DNAI3: variants seen among roughly 807,000 people sequenced by gnomAD.
DNAI3 encodes WD repeat domain 63.
Under a neutral mutation model 115.5 loss-of-function variants are expected in DNAI3, and 83 were observed. That is an observed-to-expected ratio of 0.72 (90% confidence interval 0.60 to 0.86). DNAI3 has a LOEUF of 0.86. Ranked by LOEUF, DNAI3 falls within the 40% of genes least tolerant of loss-of-function variation. The pLI is 0.00. For synonymous variants in DNAI3, 320 were observed against 347.0 expected (o/e 0.92, Z 0.86); for missense variants, 1,004 against 1,075.8 (o/e 0.93, Z 0.93).
intron 8 of DNAI3, 32 bp from the exon 9 acceptor site, chr1:85,093,426 T>C (rs777487861): frequency 3.5e-5 from 54 of 1,561,152 alleles, no homozygotes; most frequent in Non-Finnish European, 4.6e-5. Context: ...AAAACCAATA[T>C]CTTAATTGCT....
intron 16 of DNAI3, among the ~76,000 whole-genome samples, chr1:85,113,574 T>C (rs185359329): frequency 7.5e-4 from 114 of 152,314 alleles, no homozygotes; most frequent in African/African-American, 2.6e-3. Context: ...TTTAGAGCAA[T>C]ACGACACTGT....
intron 8 of DNAI3, among the ~76,000 whole-genome samples, chr1:85,090,768 C>A (rs1654948676): frequency 6.6e-6 from 1 of 152,072 alleles, no homozygotes; most frequent in South Asian, 2.1e-4. Flanking sequence ...GTTAGTAGGA[C>A]CCTGGGTAGA....
chr1:85,092,002 A>AT (rs1446245536), intron 8 of DNAI3, among the ~76,000 whole-genome samples: 3 of 152,218 alleles, frequency 2.0e-5, no homozygotes, highest in Non-Finnish European at 4.4e-5. Flanking sequence ...ATGATTTGGA[A>AT]AATGCTTACT....
At chr1:85,095,536 C>G (rs569941929) in intron 10 of DNAI3, among the ~76,000 whole-genome samples, 7 of 152,060 alleles carry the variant, frequency 4.6e-5, no homozygotes, top group African/African-American at 1.7e-4. Context: ...GAGTGCCTGG[C>G]TCAGTATTCA....
intron 19 of DNAI3, 91 bp from the exon 20 acceptor site, chr1:85,126,420 G>T: frequency 7.4e-7 from 1 of 1,352,166 alleles, no homozygotes. Flanking sequence ...ATCATAGCTA[G>T]CTTGAGTTGT....
chr1:85,093,774 G>T, intron 9 of DNAI3, 126 bp downstream of exon 9: 1 of 1,117,670 alleles, frequency 8.9e-7, no homozygotes, highest in Non-Finnish European at 1.3e-6. Flanking sequence ...TACTCACTAG[G>T]TACCTGCCAT....
Position 85,067,850 on chromosome 1 carries a change from G to C in DNAI3, c.-14-4078G>C, listed in dbSNP as rs559042647. On this transcript the variant is annotated intron_variant, in intron 1 of 22. Coordinates refer to ENST00000294664, the MANE Select transcript of DNAI3 (RefSeq NM_145172.5). Reference sequence around the variant, plus strand: ...AGGCAAGAAAGCAGATTCTCTCTTAGAGGCTCTGGAAAGAAAGGAATGCAG... The same window carrying C: ...AGGCAAGAAAGCAGATTCTCTCTTACAGGCTCTGGAAAGAAAGGAATGCAG... 2.0e-5 allele frequency among the ~76,000 whole-genome samples: 3 copies of C among 152,330 alleles called. No homozygotes were observed. In the South Asian group the frequency reaches 6.2e-4, roughly 32 times the overall value.
rs1325409935 is a variant in DNAI3 at position 85,093,575 on chromosome 1, C to G, written c.975C>G (p.Tyr325Ter). ...GDKTDTHLKE[Y>*]QSFTDLHSPT... ...AGACCGATACCCACCTGAAAGAGTA[C>G]CAGTCCTTTACCGACCTTCATAGCC... Residue 325 changes from tyrosine to a stop codon, truncating the protein, a stop_gained, in exon 9 of 23, where the codon TAC (tyrosine) becomes TAG (stop). Coordinates refer to ENST00000294664, the MANE Select transcript of DNAI3 (RefSeq NM_145172.5). LOFTEE classifies it high-confidence loss of function. The G allele has an allele frequency of 5.6e-6, 9 of 1,614,024 alleles. No individual in the cohort carries two copies. The highest frequency in any genetic ancestry group is 1.3e-5 in the African/African-American group (1 of 74,910).
At chr1:85,104,482 T>C (rs766254699) in intron 13 of DNAI3, 42 bp from the exon 14 acceptor site, 85 of 1,510,926 alleles carry the variant, frequency 5.6e-5, no homozygotes, top group Non-Finnish European at 7.2e-5. Flanking sequence ...TAAATAGCTA[T>C]GAGAAAAACA....
intron 1 of DNAI3, among the ~76,000 whole-genome samples, chr1:85,065,970 C>A (rs947727702): frequency 6.6e-6 from 1 of 152,136 alleles, no homozygotes; most frequent in Non-Finnish European, 1.5e-5. Context: ...AAGTGGTGCA[C>A]CATCACAGGT....
chr1:85,093,773 G>T (rs968256959), intron 9 of DNAI3, 125 bp downstream of exon 9: 2 of 1,117,374 alleles, frequency 1.8e-6, no homozygotes, highest in Non-Finnish European at 2.7e-6. Flanking sequence ...GTACTCACTA[G>T]GTACCTGCCA....
In DNAI3 at chr1:85,084,695, G is replaced by C; in HGVS notation, c.540G>C (p.Gln180His). 2.0e-6 allele frequency: 3 copies of C among 1,500,608 alleles called. No homozygotes were observed. Among genetic ancestry groups the C allele is most frequent in the Non-Finnish European group, 2.7e-6 (3 of 1,123,952 alleles). 93.0% of individuals were successfully genotyped at this position (1,500,608 alleles called of 1,614,324 possible). The change falls in exon 6 of 23, where the codon CAG becomes CAC. Residue 180 changes from glutamine (Q) to histidine (H), a missense_variant and splice_region_variant. By Grantham distance (24) the Gln-to-His change is conservative. Coordinates refer to ENST00000294664, the MANE Select transcript of DNAI3 (RefSeq NM_145172.5). ...EEESVTESTK[Q>H]ITYMISRKRS... is the part of the protein sequence containing the mutation. ...AATCAGTTACGGAATCTACAAAGCAGGTTAGAGGGTTATATATGATCTGTA... is the reference window on the plus strand; with the variant it reads ...AATCAGTTACGGAATCTACAAAGCACGTTAGAGGGTTATATATGATCTGTA...
chr1:85,103,083 A>T (rs561279550), intron 13 of DNAI3, among the ~76,000 whole-genome samples: 46 of 152,288 alleles, frequency 3.0e-4, no homozygotes, highest in Admixed American at 1.4e-3. Context: ...GCCTGCAGAC[A>T]TGACCCAGGT....
intron 14 of DNAI3, 85 bp downstream of exon 14, chr1:85,104,682 C>T (rs1655433003): frequency 1.9e-6 from 2 of 1,046,020 alleles, no homozygotes; most frequent in Non-Finnish European, 2.9e-6. Flanking sequence ...GTCTTCTTCT[C>T]CTTAATATTT....
intron 10 of DNAI3, among the ~76,000 whole-genome samples, chr1:85,094,978 A>G (rs1248697445): frequency 1.3e-5 from 2 of 152,168 alleles, no homozygotes; most frequent in African/African-American, 2.4e-5. Flanking sequence ...TGCATTATCC[A>G]TCTCTAGGCT....
intron 14 of DNAI3, among the ~76,000 whole-genome samples, chr1:85,106,597 G>A (rs909160314): frequency 2.0e-5 from 3 of 152,148 alleles, no homozygotes; most frequent in African/African-American, 7.2e-5. Context: ...GAAGAAAAAA[G>A]TTGGAGGACT....
chr1:85,095,982 G>A lies in DNAI3; in HGVS notation c.1225G>A (p.Asp409Asn). 6.2e-7 allele frequency: 1 copy of A among 1,613,934 alleles called. No homozygotes were observed. The highest frequency in any genetic ancestry group is 8.5e-7 in the Non-Finnish European group (1 of 1,179,872). Residue 409 changes from aspartate to asparagine, a missense_variant, in exon 11 of 23, where the codon GAT becomes AAT. Around this residue, in one of 3 missense-constraint regions of DNAI3, gnomAD observed 550 missense variants for 568.1 expected, o/e 0.97. Transcript: ENST00000294664. ...DIFCFKFCPS[D>N]PNIIAGGCIN... ...CTTCTGCTTCAAGTTCTGTCCGAGT[G>A]ATCCTAATATCATTGCTGGAGGCTG...
chr1:85,072,901 G>A (rs1456702958), intron 2 of DNAI3, among the ~76,000 whole-genome samples, 153 bp from the exon 3 acceptor site: 3 of 141,002 alleles, frequency 2.1e-5, no homozygotes, highest in Non-Finnish European at 3.0e-5. Context: ...CTTGCAGTGA[G>A]CTGAGATAGC....
intron 18 of DNAI3, among the ~76,000 whole-genome samples, chr1:85,123,020 A>G (rs1163596027): frequency 6.6e-6 from 1 of 152,172 alleles, no homozygotes; most frequent in African/African-American, 2.4e-5. Context: ...TAGAACCTGT[A>G]AGGCTTCCCA....
Sources: gnomAD v4.1 joint callset for allele counts (sites outside exome capture counted in the v4.1 genomes callset) on GRCh38, gnomAD v4.1.1 for gene constraint, gnomAD v4.1.1 regional missense constraint, MANE v1.5 for transcripts, NCBI Gene and HGNC (gene_info 2026-07-23, HGNC 2026-07-21) for gene names.